The following CNTN3 variants were observed in gnomAD, a reference collection of about 807,000 sequenced individuals.
CNTN3 encodes contactin 3, also known as contactin-3.
Under a neutral mutation model 119.1 loss-of-function variants are expected in CNTN3, and 60 were observed. The observed-to-expected ratio is 0.50, with a 90% CI of 0.41 to 0.62. The LOEUF is 0.62. Ranked by LOEUF, CNTN3 falls within the 20% of genes least tolerant of loss-of-function variation. The pLI, the probability that CNTN3 is intolerant of heterozygous loss-of-function variation, is 0.00. For missense variants in CNTN3, 1,101 were observed against 1,242.4 expected (o/e 0.89, Z 1.71); for synonymous variants, 450 against 438.7 (o/e 1.03, Z -0.32).
In CNTN3 at chr3:74,334,972, G is replaced by T. The variant is rs183913405; in HGVS notation, c.1493-62C>A. ...TATTGTGATAAAAGACATTTGCACA[G>T]GCAGACTGTTCATCTAACTTATACT... On this transcript the variant is annotated intron_variant, in intron 12 of 22. Coordinates refer to ENST00000263665, the MANE Select transcript of CNTN3 (RefSeq NM_020872.3). The T allele has an allele frequency of 7.7e-4, 993 of 1,288,856 alleles. 5 individuals are homozygous for T. The African/African-American group carries it at 8.9e-3, about 12-fold the overall frequency. The allele number at this position is 1,288,856 out of a possible 1,614,324, so 79.8% of individuals were successfully genotyped here.
chr3:74,274,534 T>C (rs1333079539), intron 20 of CNTN3, among the ~76,000 whole-genome samples: 2 of 152,052 alleles, frequency 1.3e-5, no homozygotes, highest in African/African-American at 4.8e-5. Context: ...GCTGGGTGAC[T>C]AGACCCAGAA....
intron 5 of CNTN3, among the ~76,000 whole-genome samples, chr3:74,374,756 T>C (rs1376538012): frequency 6.6e-6 from 1 of 152,154 alleles, no homozygotes; most frequent in Non-Finnish European, 1.5e-5. Flanking sequence ...TAAACCTTCA[T>C]ATAAAATTTG....
At chr3:74,425,590 G>A (rs898094253) in intron 4 of CNTN3, among the ~76,000 whole-genome samples, 2 of 151,948 alleles carry the variant, frequency 1.3e-5, no homozygotes, top group Non-Finnish European at 2.9e-5. Flanking sequence ...ATTCAAAAAA[G>A]GAAATGAAAT....
At chr3:74,612,634 C>T (rs1705101720) in intron 1 of CNTN3, among the ~76,000 whole-genome samples, 1 of 152,192 alleles carries the variant, frequency 6.6e-6, no homozygotes, top group Non-Finnish European at 1.5e-5. Flanking sequence ...AGAAGGGCCA[C>T]TTGCATGCAT....
At chr3:74,467,705 C>T (rs1264922114) in intron 4 of CNTN3, among the ~76,000 whole-genome samples, 2 of 152,218 alleles carry the variant, frequency 1.3e-5, no homozygotes, top group South Asian at 2.1e-4. Context: ...ATATATACCA[C>T]CCAAGCAGCT....
chr3:74,323,096 A>C (rs2106678247), intron 13 of CNTN3, among the ~76,000 whole-genome samples: 1 of 152,320 alleles, frequency 6.6e-6, no homozygotes, highest in African/African-American at 2.4e-5. Context: ...TTGCACCAAT[A>C]GAATGCACAA....
chr3:74,338,390 A>ATG (rs918371889), intron 11 of CNTN3, among the ~76,000 whole-genome samples: 3 of 151,956 alleles, frequency 2.0e-5, no homozygotes, highest in Admixed American at 6.6e-5. Context: ...GCATATGTGT[A>ATG]TGTGTGTATA....
At chr3:74,472,638 A>G (rs1371259499) in intron 4 of CNTN3, among the ~76,000 whole-genome samples, 4 of 152,206 alleles carry the variant, frequency 2.6e-5, no homozygotes, top group Non-Finnish European at 5.9e-5. Flanking sequence ...TTAAAAAGTC[A>G]CAACTTTCTA....
At chr3:74,588,792 A>T (rs1704645459) in intron 1 of CNTN3, among the ~76,000 whole-genome samples, 1 of 152,196 alleles carries the variant, frequency 6.6e-6, no homozygotes, top group Admixed American at 6.5e-5. Flanking sequence ...AGCCCTCAGA[A>T]ATAACGCCGC....
chr3:74,429,239 A>G (rs1701744771), intron 4 of CNTN3, among the ~76,000 whole-genome samples: 1 of 152,100 alleles, frequency 6.6e-6, no homozygotes, highest in Non-Finnish European at 1.5e-5. Flanking sequence ...AATGTGTAAA[A>G]CTATCTAGAC....
chr3:74,347,800 C>T (rs1048717716), intron 11 of CNTN3, among the ~76,000 whole-genome samples: 1 of 152,156 alleles, frequency 6.6e-6, no homozygotes, highest in African/African-American at 2.4e-5. Context: ...ATCCTTGCCA[C>T]TCTCCCATTA....
rs9826901 is a variant in CNTN3, at chr3:74,571,959, G to A, written c.-81+42432C>T. Among the ~76,000 whole-genome samples, 1,256 of 152,192 alleles carry A rather than the reference G, an allele frequency of 8.3e-3. 17 individuals are homozygous for A. Among genetic ancestry groups the A allele is most frequent in the African/African-American group, 0.029 (1,191 of 41,524 alleles). ...TGAAATATCTCATTGGTGGCTTTGG[G>A]TCACATAATGACCTCTGTCTTAACT... On this transcript the variant is annotated intron_variant, in intron 1 of 22. Transcript: ENST00000263665.
At chr3:74,437,363 G>A (rs1701885077) in intron 4 of CNTN3, among the ~76,000 whole-genome samples, 1 of 152,070 alleles carries the variant, frequency 6.6e-6, no homozygotes, top group Non-Finnish European at 1.5e-5. Flanking sequence ...TCGGGAGGCT[G>A]AGGCAGGAGA....
At chr3:74,359,636 C>T (rs78815377) in intron 11 of CNTN3, among the ~76,000 whole-genome samples, 2,807 of 152,192 alleles carry the variant, frequency 0.018, 85 homozygotes, top group African/African-American at 0.064. Context: ...CCAGCACCAT[C>T]GCTATACAAT....
intron 20 of CNTN3, among the ~76,000 whole-genome samples, chr3:74,275,592 C>T (rs568748029): frequency 7.2e-5 from 11 of 151,778 alleles, no homozygotes; most frequent in East Asian, 3.9e-4. Context: ...TCAGACAAAT[C>T]GCCACGACAA....
At chr3:74,397,896 A>G (rs918183665) in intron 5 of CNTN3, among the ~76,000 whole-genome samples, 30 of 152,192 alleles carry the variant, frequency 2.0e-4, no homozygotes, top group African/African-American at 6.8e-4. Flanking sequence ...GAAGTAACTG[A>G]GATGTGGTGG....
intron 20 of CNTN3, among the ~76,000 whole-genome samples, chr3:74,278,071 C>T (rs554026799): frequency 1.3e-3 from 192 of 150,776 alleles, no homozygotes; most frequent in African/African-American, 4.6e-3. Flanking sequence ...AGATGAAAGA[C>T]CTCTACAAGG....
chr3:74,312,331 C>T (rs1048744313), intron 13 of CNTN3, among the ~76,000 whole-genome samples: 3 of 151,718 alleles, frequency 2.0e-5, no homozygotes, highest in Non-Finnish European at 2.9e-5. Flanking sequence ...TGGCGGGTGC[C>T]TGTAGTCCCA....
intron 4 of CNTN3, among the ~76,000 whole-genome samples, chr3:74,466,383 A>G (rs990562142): frequency 1.8e-4 from 28 of 152,242 alleles, no homozygotes; most frequent in Non-Finnish European, 3.4e-4. Context: ...TAAAATATCA[A>G]TAACAAAGAT....
Sources: gnomAD v4.1 joint callset for allele counts (sites outside exome capture counted in the v4.1 genomes callset) on GRCh38, gnomAD v4.1.1 for gene constraint, MANE v1.5 for transcripts, NCBI Gene and HGNC (gene_info 2026-07-23, HGNC 2026-07-21) for gene names.